Variants in L3MBTL4 observed in about 807,000 individuals in gnomAD.
The protein encoded by L3MBTL4 is L3MBTL histone methyl-lysine binding protein 4, also known as lethal(3)malignant brain tumor-like protein 4.
Under a neutral mutation model 84.5 loss-of-function variants are expected in L3MBTL4, and 70 were observed. The ratio of observed to expected loss-of-function variants is 0.83; its 90% confidence interval spans 0.68 to 1.01. L3MBTL4 has a LOEUF of 1.01. Among genes scored for constraint, L3MBTL4 ranks in the 50% least tolerant of loss-of-function variants. The pLI is 0.00. For synonymous variants in L3MBTL4, 274 were observed against 259.8 expected (o/e 1.05, Z -0.52); for missense variants, 715 against 754.8 (o/e 0.95, Z 0.62).
intron 1 of L3MBTL4, among the ~76,000 whole-genome samples, chr18:6,344,865 C>A (rs1427087808): frequency 2.6e-5 from 4 of 151,580 alleles, no homozygotes; most frequent in African/African-American, 9.7e-5. Flanking sequence ...AGGGAATGGA[C>A]CTCAAAACAA....
intron 3 of L3MBTL4, among the ~76,000 whole-genome samples, chr18:6,304,046 C>T (rs1388103118): frequency 6.7e-6 from 1 of 149,424 alleles, no homozygotes; most frequent in Non-Finnish European, 1.5e-5. Context: ...AAAAAGACTG[C>T]ACATAGTGGT....
At chr18:6,056,597 A>T (rs972200572) in intron 16 of L3MBTL4, among the ~76,000 whole-genome samples, 4 of 152,134 alleles carry the variant, frequency 2.6e-5, no homozygotes, top group Non-Finnish European at 4.4e-5. Context: ...TGCGACAGGC[A>T]AGGAGACTCA....
At position 6,021,077 on chromosome 18, in the gene L3MBTL4, G is replaced by A. The variant is rs144180689; in HGVS notation, c.1445-51515C>T. ...CTAGGATGATGTCTGGGAAGCCAAA[G>A]TAGATTTCAAGAAGGTGGGAATGGT... is the stretch of plus-strand genomic sequence containing the variant. On this transcript the variant is annotated intron_variant, in intron 16 of 18. Coordinates refer to ENST00000317931, the MANE Select transcript of L3MBTL4 (RefSeq NM_001330559.2). 6.4e-4 allele frequency among the ~76,000 whole-genome samples: 98 copies of A among 152,350 alleles called. 2 individuals are homozygous for A. In the East Asian group the frequency reaches 0.014, roughly 21 times the overall value.
At chr18:6,329,745 C>T (rs895932748) in intron 1 of L3MBTL4, among the ~76,000 whole-genome samples, 17 of 152,104 alleles carry the variant, frequency 1.1e-4, no homozygotes, top group Non-Finnish European at 1.9e-4. Context: ...ACCATTTCCA[C>T]TCCCATGATA....
At chr18:6,010,126 C>A (rs938358344) in intron 16 of L3MBTL4, among the ~76,000 whole-genome samples, 1 of 150,950 alleles carries the variant, frequency 6.6e-6, no homozygotes, top group South Asian at 2.1e-4. Context: ...CAACAAGGTG[C>A]GAAGTGTTTT....
intron 4 of L3MBTL4, among the ~76,000 whole-genome samples, chr18:6,266,031 T>C (rs1441224511): frequency 1.3e-5 from 2 of 152,212 alleles, no homozygotes; most frequent in African/African-American, 4.8e-5. Context: ...GATATAATCA[T>C]TCCACAAGCA....
intron 13 of L3MBTL4, among the ~76,000 whole-genome samples, chr18:6,161,724 G>A (rs370044368): frequency 5.3e-5 from 8 of 152,180 alleles, no homozygotes; most frequent in South Asian, 2.1e-4. Flanking sequence ...ATCTGAGCCC[G>A]GCTCAACACT....
At chr18:6,072,695 C>A (rs1449395711) in intron 16 of L3MBTL4, among the ~76,000 whole-genome samples, 13 of 112,982 alleles carry the variant, frequency 1.2e-4, no homozygotes, top group Non-Finnish European at 2.1e-4. Context: ...CACACACACA[C>A]ACAAAAAAAA....
At chr18:6,036,990 G>A (rs2056171755) in intron 16 of L3MBTL4, among the ~76,000 whole-genome samples, 1 of 152,164 alleles carries the variant, frequency 6.6e-6, no homozygotes, top group African/African-American at 2.4e-5. Context: ...CGGGAAGGGG[G>A]TAAAAAATAA....
chr18:6,168,752 A>G (rs1245645538), intron 13 of L3MBTL4, among the ~76,000 whole-genome samples: 1 of 152,210 alleles, frequency 6.6e-6, no homozygotes, highest in Admixed American at 6.5e-5. Context: ...ATTACCATTC[A>G]GGACATAGGC....
chr18:6,107,429 G>A (rs564515975), intron 14 of L3MBTL4, among the ~76,000 whole-genome samples: 18 of 152,262 alleles, frequency 1.2e-4, no homozygotes, highest in African/African-American at 3.4e-4. Flanking sequence ...CTCACTGCGC[G>A]GGCTGTGAGG....
rs2047575476 is a variant in L3MBTL4 at position 6,244,477 on chromosome 18, C to T, written c.324+7G>A. Reference sequence around the variant, plus strand: ...AATTAGCCCAAGACAGTAACACCACCTCTTACCTCCGCTACAGAAAGCACA... The same window carrying T: ...AATTAGCCCAAGACAGTAACACCACTTCTTACCTCCGCTACAGAAAGCACA... On this transcript the variant is annotated splice_region_variant and intron_variant, in intron 6 of 18. Coordinates refer to ENST00000317931, the MANE Select transcript of L3MBTL4 (RefSeq NM_001330559.2). The T allele has an allele frequency of 6.3e-7, 1 of 1,584,194 alleles. No individual in the cohort carries two copies. Among genetic ancestry groups the T allele is most frequent in the African/African-American group, 1.3e-5 (1 of 74,334 alleles).
intron 1 of L3MBTL4, among the ~76,000 whole-genome samples, chr18:6,392,829 C>A (rs143735569): frequency 6.6e-6 from 1 of 152,188 alleles, no homozygotes; most frequent in African/African-American, 2.4e-5. Context: ...GAATGGGAAA[C>A]CAAATTCCAT....
chr18:6,125,530 G>A (rs914596889), intron 14 of L3MBTL4, among the ~76,000 whole-genome samples: 1 of 152,136 alleles, frequency 6.6e-6, no homozygotes. Flanking sequence ...CTGGGCTCAG[G>A]CGATCCTCCC....
chr18:6,319,588 T>C (rs1421139287), intron 1 of L3MBTL4, among the ~76,000 whole-genome samples: 3 of 151,768 alleles, frequency 2.0e-5, no homozygotes, highest in African/African-American at 7.3e-5. Context: ...CAGGAAGAAA[T>C]AGAAACCTTG....
chr18:6,304,380 T>A (rs1273342621), intron 3 of L3MBTL4, among the ~76,000 whole-genome samples: 1 of 152,246 alleles, frequency 6.6e-6, no homozygotes, highest in Non-Finnish European at 1.5e-5. Flanking sequence ...TCCAAAGTTA[T>A]CATGGATATC....
intron 10 of L3MBTL4, among the ~76,000 whole-genome samples, chr18:6,233,447 A>G (rs1264667140): frequency 6.7e-6 from 1 of 149,960 alleles, no homozygotes; most frequent in Non-Finnish European, 1.5e-5. Context: ...AAATCTCCTT[A>G]AGCTGACAAG....
At chr18:6,012,117 C>T (rs549465402) in intron 16 of L3MBTL4, among the ~76,000 whole-genome samples, 1 of 152,166 alleles carries the variant, frequency 6.6e-6, no homozygotes, top group Non-Finnish European at 1.5e-5. Context: ...GGAGTCAGCT[C>T]AGGTACCTGT....
chr18:6,254,262 T>G (rs1166278382), intron 5 of L3MBTL4, among the ~76,000 whole-genome samples: 1 of 152,096 alleles, frequency 6.6e-6, no homozygotes, highest in African/African-American at 2.4e-5. Flanking sequence ...TTCAAGGGGA[T>G]TTGTCATTAA....
Sources: allele counts gnomAD v4.1 joint callset (sites outside exome capture counted in the v4.1 genomes callset), GRCh38; gene constraint gnomAD v4.1.1; transcripts MANE v1.5; gene names NCBI Gene and HGNC (gene_info 2026-07-23, HGNC 2026-07-21).